The following FMN2 variants were observed in gnomAD, a reference collection of about 807,000 sequenced individuals.
FMN2 encodes formin 2, also known as formin-2.
In FMN2, 51 loss-of-function variants were observed where a neutral mutation model predicts 142.3. The ratio of observed to expected loss-of-function variants is 0.36; its 90% CI spans 0.29 to 0.45. The LOEUF is 0.45. Among genes scored for constraint, FMN2 ranks in the 20% least tolerant of loss-of-function variants. The pLI, the probability that FMN2 is intolerant of heterozygous loss-of-function variation, is 1.00. For missense variants in FMN2, 1,936 were observed against 2,122.8 expected (o/e 0.91, Z 1.73); for synonymous variants, 882 against 869.8 (o/e 1.01, Z -0.25).
intron 2 of FMN2, among the ~76,000 whole-genome samples, chr1:240,174,872 G>A (rs1664853166): frequency 6.6e-6 from 1 of 152,238 alleles, no homozygotes; most frequent in East Asian, 1.9e-4. Context: ...ACCATTTTAA[G>A]TGTCCAATTC....
intron 16 of FMN2, among the ~76,000 whole-genome samples, chr1:240,459,726 A>T (rs1044084096): frequency 0.29 from 10,871 of 38,074 alleles, 1,247 homozygotes; most frequent in Non-Finnish European, 0.35. Context: ...CTAAAAAAAA[A>T]AAAAAAAAAA....
rs1676893927 is a variant in FMN2 at position 240,473,983 on chromosome 1, T to G, written c.5143-145T>G. ...GATAACACAGATCCCACTTATACTT[T>G]TTTCCTTTATGGACTGGTAGACCTT... On this transcript the variant is annotated intron_variant, in intron 17 of 17. Coordinates refer to ENST00000319653, the MANE Select transcript of FMN2 (RefSeq NM_020066.5). This position sits in a 1 kb window ranked among gnomAD's most constrained non-coding sequence, Gnocchi z 4.3. 1 of 630,000 alleles carries G rather than the reference T, an allele frequency of 1.6e-6. No homozygotes were observed. Among genetic ancestry groups the G allele is most frequent in the Non-Finnish European group, 2.7e-6 (1 of 375,100 alleles). The allele number at this position is 630,000 out of a possible 1,614,324, so 39.0% of individuals were successfully genotyped here.
At position 240,420,858 on chromosome 1, in the gene FMN2, G is replaced by C. The variant is rs146182127; in HGVS notation, c.4911-17203G>C. Among the ~76,000 whole-genome samples the C allele has an allele frequency of 2.5e-3, 378 of 152,270 alleles. 1 individual carries two copies. The highest frequency in any genetic ancestry group is 1.3e-3 in the Non-Finnish European group (88 of 68,026). On this transcript the variant is annotated intron_variant, in intron 15 of 17. Transcript: ENST00000319653. Reference sequence around the variant, plus strand: ...CAGACTACTTGTGCTCCTGCTGTTAGTTCAGGTTCTACAAAAAGCAAGTGC... The same window carrying C: ...CAGACTACTTGTGCTCCTGCTGTTACTTCAGGTTCTACAAAAAGCAAGTGC...
At chr1:240,331,836 A>G (rs7538629) in intron 11 of FMN2, among the ~76,000 whole-genome samples, 84,379 of 151,974 alleles carry the variant, frequency 0.56, 24,511 homozygotes, top group African/African-American at 0.74. Context: ...TGGGCAAATC[A>G]TCTAACACAA....
chr1:240,370,629 G>A (rs572924506), intron 14 of FMN2, among the ~76,000 whole-genome samples: 10 of 151,914 alleles, frequency 6.6e-5, no homozygotes, highest in Admixed American at 1.3e-4. Flanking sequence ...TTACCTCATC[G>A]TTGTTAAGTC....
At chr1:240,189,603 T>G (rs1341983376) in intron 4 of FMN2, among the ~76,000 whole-genome samples, 1 of 152,244 alleles carries the variant, frequency 6.6e-6, no homozygotes, top group Non-Finnish European at 1.5e-5. Context: ...AAACAGCACC[T>G]GGGTGCTTTT....
intron 15 of FMN2, among the ~76,000 whole-genome samples, chr1:240,422,051 G>A (rs990384495): frequency 2.6e-5 from 4 of 152,130 alleles, no homozygotes; most frequent in African/African-American, 9.7e-5. Flanking sequence ...TACTCCTCCT[G>A]CAGTTGGCTA....
chr1:240,400,730 C>G (rs552629797), intron 15 of FMN2: 26 of 152,302 alleles, frequency 1.7e-4, no homozygotes, highest in African/African-American at 5.8e-4. Context: ...TCTTTAGAAC[C>G]CAAAGCCTCA....
intron 16 of FMN2, among the ~76,000 whole-genome samples, chr1:240,463,909 A>G (rs979284761): frequency 2.0e-5 from 3 of 152,162 alleles, no homozygotes; most frequent in Non-Finnish European, 4.4e-5. Flanking sequence ...AGGCTGAGGC[A>G]TGAGAATCAT....
At chr1:240,120,499 T>C (rs1447001901) in intron 1 of FMN2, among the ~76,000 whole-genome samples, 1 of 152,204 alleles carries the variant, frequency 6.6e-6, no homozygotes, top group Non-Finnish European at 1.5e-5. Context: ...AATCATAGCA[T>C]TGTATTTATT....
intron 13 of FMN2, among the ~76,000 whole-genome samples, chr1:240,343,888 C>T (rs539768209): frequency 2.6e-5 from 4 of 151,878 alleles, no homozygotes; most frequent in East Asian, 3.9e-4. Context: ...ATTGGGTCGG[C>T]GGGGAGTATT....
intron 1 of FMN2, among the ~76,000 whole-genome samples, chr1:240,117,988 C>G (rs1662089955): frequency 6.6e-6 from 1 of 152,138 alleles, no homozygotes; most frequent in Non-Finnish European, 1.5e-5. Context: ...GTGAAAGTGA[C>G]CACTGACCAG....
intron 14 of FMN2, among the ~76,000 whole-genome samples, chr1:240,378,374 C>T (rs557657062): frequency 6.6e-6 from 1 of 152,290 alleles, no homozygotes; most frequent in South Asian, 2.1e-4. Flanking sequence ...TGGTCTTGAA[C>T]TCCTGACCTC....
intron 4 of FMN2, among the ~76,000 whole-genome samples, chr1:240,196,637 T>A (rs1217893): frequency 6.6e-6 from 1 of 151,996 alleles, no homozygotes; most frequent in Non-Finnish European, 1.5e-5. Context: ...TCAGCCTCCC[T>A]AGTAGCTGGG....
intron 7 of FMN2, among the ~76,000 whole-genome samples, chr1:240,262,410 T>G (rs998550561): frequency 8.5e-5 from 13 of 152,214 alleles, no homozygotes; most frequent in Non-Finnish European, 1.6e-4. Context: ...TTTTTAGTTG[T>G]TGTTAGTGGG....
chr1:240,438,146 C>T lies in FMN2; in HGVS notation c.4996C>T (p.His1666Tyr), dbSNP rs757667303. ...VSPNAFFSIW[H>Y]EFSSDFKDFW... Reference sequence around the variant, plus strand: ...CCCAAATGCTTTCTTCAGTATCTGGCATGAATTCAGCTCTGACTTTAAAGA... The same window carrying T: ...CCCAAATGCTTTCTTCAGTATCTGGTATGAATTCAGCTCTGACTTTAAAGA... The change falls in exon 16 of 18, where the codon CAT becomes TAT. Residue 1666 changes from histidine (H) to tyrosine (Y), a missense_variant. His to Tyr is a moderately conservative substitution (Grantham distance 83). Coordinates refer to ENST00000319653, the MANE Select transcript of FMN2 (RefSeq NM_020066.5). 19 of 1,614,100 alleles carry T rather than the reference C, an allele frequency of 1.2e-5. No homozygotes were observed. In the South Asian group the frequency reaches 2.1e-4, roughly 18 times the overall value.
At chr1:240,180,057 G>A in intron 3 of FMN2, 1 of 470,994 alleles carries the variant, frequency 2.1e-6, no homozygotes, top group Non-Finnish European at 3.5e-6. Flanking sequence ...ATTGATACCA[G>A]GAAGTTTGTC....
chr1:240,115,114 C>G (rs1163538563), intron 1 of FMN2, among the ~76,000 whole-genome samples: 1 of 152,124 alleles, frequency 6.6e-6, no homozygotes, highest in East Asian at 1.9e-4. Flanking sequence ...TAGCATTCTT[C>G]AGTGATAGCT....
At chr1:240,227,831 A>G (rs185577563) in intron 6 of FMN2, among the ~76,000 whole-genome samples, 1 of 152,258 alleles carries the variant, frequency 6.6e-6, no homozygotes, top group East Asian at 1.9e-4. Flanking sequence ...ATTATTCTAC[A>G]TCAAAGTTAA....
Sources: gnomAD v4.1 joint callset for allele counts (sites outside exome capture counted in the v4.1 genomes callset) on GRCh38, gnomAD v4.1.1 for gene constraint, Gnocchi (gnomAD v3.1) non-coding constraint, MANE v1.5 for transcripts, NCBI Gene and HGNC (gene_info 2026-07-23, HGNC 2026-07-21) for gene names.